The following CCSER1 variants were observed in gnomAD, a reference collection of about 807,000 sequenced individuals.
CCSER1 encodes coiled-coil serine rich protein 1.
CCSER1 carries 41 observed loss-of-function variants against 82.0 expected under a neutral mutation model. The observed-to-expected ratio is 0.50, with a 90% CI of 0.39 to 0.65. The LOEUF (loss-of-function observed/expected upper bound fraction) is 0.65, where lower values mean the gene tolerates loss of function less well. Ranked by LOEUF, CCSER1 falls within the 30% of genes least tolerant of loss-of-function variation. The pLI is 0.00. For synonymous variants in CCSER1, 414 were observed against 383.9 expected, an observed-to-expected ratio of 1.08 and a Z score of -0.92; for missense variants, 1,119 against 1,064.2, an observed-to-expected ratio of 1.05 and a Z score of -0.72.
intron 10 of CCSER1, among the ~76,000 whole-genome samples, chr4:91,421,766 A>T (rs972213776): frequency 6.6e-6 from 1 of 151,954 alleles, no homozygotes; most frequent in African/African-American, 2.4e-5. Flanking sequence ...CATAATTTAC[A>T]CTTATCAATT....
At chr4:90,567,344 G>T (rs1400669434) in intron 5 of CCSER1, among the ~76,000 whole-genome samples, 4 of 149,330 alleles carry the variant, frequency 2.7e-5, no homozygotes, top group East Asian at 2.0e-4. Context: ...AGGCTGGAGC[G>T]CAGTGGCGCC....
chr4:91,268,282 T>A (rs1741755043), intron 10 of CCSER1, among the ~76,000 whole-genome samples: 1 of 152,182 alleles, frequency 6.6e-6, no homozygotes, highest in African/African-American at 2.4e-5. Context: ...TTAATAGACA[T>A]AGAAATGTTT....
At chr4:90,333,107 A>T (rs1030036079) in intron 3 of CCSER1, among the ~76,000 whole-genome samples, 1 of 152,176 alleles carries the variant, frequency 6.6e-6, no homozygotes, top group Non-Finnish European at 1.5e-5. Flanking sequence ...CTACATGTGT[A>T]ATATATTGTT....
intron 1 of CCSER1, among the ~76,000 whole-genome samples, chr4:90,237,461 C>T (rs148307203): frequency 0.011 from 1,696 of 152,232 alleles, 71 homozygotes; most frequent in Admixed American, 0.085. Flanking sequence ...GAATTCAGAG[C>T]TCTTACTTGA....
At chr4:90,815,080 T>A (rs886921081) in intron 7 of CCSER1, among the ~76,000 whole-genome samples, 3 of 152,158 alleles carry the variant, frequency 2.0e-5, no homozygotes, top group South Asian at 2.1e-4. Context: ...TGATTCACAG[T>A]TTCTCATGAC....
At chr4:91,166,830 T>C (rs1028049136) in intron 10 of CCSER1, among the ~76,000 whole-genome samples, 2 of 152,220 alleles carry the variant, frequency 1.3e-5, no homozygotes, top group Non-Finnish European at 2.9e-5. Flanking sequence ...TTCATTTTTG[T>C]TCTCACTTCA....
intron 5 of CCSER1, among the ~76,000 whole-genome samples, chr4:90,574,395 A>G (rs1321231216): frequency 6.0e-5 from 9 of 150,756 alleles, no homozygotes; most frequent in Admixed American, 5.3e-4. Context: ...CAGCCTCCCA[A>G]GTAGCTGGGA....
chr4:90,165,618 A>G (rs1045565141), intron 1 of CCSER1, among the ~76,000 whole-genome samples: 16 of 152,218 alleles, frequency 1.1e-4, no homozygotes, highest in Admixed American at 5.2e-4. Context: ...TATATTATCT[A>G]TTGGAAAAGA....
chr4:90,408,368 C>A (rs1754091458), intron 4 of CCSER1, among the ~76,000 whole-genome samples: 1 of 152,252 alleles, frequency 6.6e-6, no homozygotes, highest in African/African-American at 2.4e-5. Flanking sequence ...AGTAGCCTAA[C>A]TGGGAGGCAT....
chr4:90,400,077 T>C lies in CCSER1; in HGVS notation c.1551T>C (p.Asp517=). 6.2e-7 allele frequency: 1 copy of C among 1,609,256 alleles called. No individual in the cohort carries two copies. Among genetic ancestry groups the C allele is most frequent in the Non-Finnish European group, 8.5e-7 (1 of 1,176,448 alleles). ...NNLGSCELDE[D]DLMLDLEFLE... ...TGGGATCTTGTGAACTGGATGAAGA[T>C]GATCTAATGCTTGATCTTGAATTTT... The change falls in exon 4 of 11, where the codon GAT becomes GAC. Residue 517 remains aspartate (D), a synonymous_variant. Coordinates refer to ENST00000509176, the MANE Select transcript of CCSER1 (RefSeq NM_001145065.2).
chr4:90,822,523 T>A (rs1759877829), intron 8 of CCSER1, among the ~76,000 whole-genome samples: 2 of 152,148 alleles, frequency 1.3e-5, no homozygotes, highest in Non-Finnish European at 2.9e-5. Flanking sequence ...GGTCAGGAGT[T>A]TGAGTCCAGC....
At position 90,989,681 on chromosome 4, in the gene CCSER1, A is replaced by C. The variant is rs546988164; in HGVS notation, c.2172+66234A>C. On this transcript the variant is annotated intron_variant, in intron 9 of 10. Transcript: ENST00000509176. The stretch of plus-strand genomic sequence containing the variant: ...AAATGTCAGATGCATAAGACTAAAA[A>C]TGGAGATGTTTCCCATTCTGAAATT... Among the ~76,000 whole-genome samples the C allele has an allele frequency of 2.0e-5, 3 of 151,960 alleles. No homozygotes were observed. In the East Asian group the frequency reaches 5.8e-4, roughly 30 times the overall value.
chr4:90,692,998 A>G (rs935579993), intron 6 of CCSER1, among the ~76,000 whole-genome samples: 17 of 152,060 alleles, frequency 1.1e-4, no homozygotes, highest in East Asian at 5.8e-4. Flanking sequence ...AACTATTACT[A>G]TACCAGAAAG....
intron 3 of CCSER1, among the ~76,000 whole-genome samples, chr4:90,348,560 G>A (rs1742835105): frequency 6.6e-6 from 1 of 151,928 alleles, no homozygotes; most frequent in Non-Finnish European, 1.5e-5. Context: ...GTCTCTATCT[G>A]TTTTTAATTA....
chr4:90,316,831 A>G (rs1481458809), intron 3 of CCSER1, among the ~76,000 whole-genome samples: 1 of 152,184 alleles, frequency 6.6e-6, no homozygotes, highest in Admixed American at 6.5e-5. Context: ...AAAGGACAGG[A>G]TGTATGAACT....
chr4:91,173,497 G>A (rs1732980445), intron 10 of CCSER1, among the ~76,000 whole-genome samples: 1 of 151,826 alleles, frequency 6.6e-6, no homozygotes, highest in African/African-American at 2.4e-5. Context: ...AGGAGGCTGA[G>A]GCAGGAGAAT....
At chr4:91,114,511 A>AG (rs1726379387) in intron 10 of CCSER1, among the ~76,000 whole-genome samples, 1 of 152,176 alleles carries the variant, frequency 6.6e-6, no homozygotes, top group Admixed American at 6.5e-5. Flanking sequence ...CCAGAACTTG[A>AG]GGAGAGGTAT....
chr4:91,107,178 G>T (rs1725697827), intron 10 of CCSER1, among the ~76,000 whole-genome samples: 1 of 152,184 alleles, frequency 6.6e-6, no homozygotes, highest in Non-Finnish European at 1.5e-5. Flanking sequence ...TAGCCTAGGT[G>T]TATAGTAGCC....
Position 90,636,530 on chromosome 4 carries a change from C to T in CCSER1, c.1932+8298C>T, listed in dbSNP as rs574185412. 7.9e-5 allele frequency among the ~76,000 whole-genome samples: 12 copies of T among 152,048 alleles called. No homozygotes were observed. In the East Asian group the frequency reaches 2.3e-3, roughly 29 times the overall value. On this transcript the variant is annotated intron_variant, in intron 6 of 10. Transcript: ENST00000509176. ...ATGTAAATAATGACCTATTTGCTTT[C>T]ATTCCAGTTTTTTTAGCATCCAAAA...
Sources: gnomAD v4.1 joint callset for allele counts (sites outside exome capture counted in the v4.1 genomes callset) on GRCh38, gnomAD v4.1.1 for gene constraint, MANE v1.5 for transcripts, NCBI Gene and HGNC (gene_info 2026-07-23, HGNC 2026-07-21) for gene names.